SUGCT: variants seen among roughly 807,000 people sequenced by gnomAD.
SUGCT encodes the protein succinyl-CoA:glutarate CoA-transferase.
In SUGCT, 41 loss-of-function variants were observed where a neutral mutation model predicts 55.0. The ratio of observed to expected loss-of-function variants is 0.74; its 90% CI spans 0.58 to 0.97. SUGCT has a LOEUF of 0.97. SUGCT is among the 50% of genes least tolerant of loss of function. SUGCT has a pLI of 0.00. For missense variants in SUGCT, 568 were observed against 547.8 expected, an observed-to-expected ratio of 1.04 and a Z score of -0.37; for synonymous variants, 187 against 200.4, an observed-to-expected ratio of 0.93 and a Z score of 0.56.
intron 12 of SUGCT, among the ~76,000 whole-genome samples, chr7:40,693,243 T>C (rs146699832): frequency 0.016 from 2,501 of 152,294 alleles, 29 homozygotes; most frequent in Middle Eastern, 0.065. Flanking sequence ...CTACCACTTA[T>C]GAGCTGTGTG....
At chr7:40,612,813 A>G (rs1167844097) in intron 12 of SUGCT, among the ~76,000 whole-genome samples, 1 of 152,206 alleles carries the variant, frequency 6.6e-6, no homozygotes, top group Non-Finnish European at 1.5e-5. Context: ...TCTTAAATAT[A>G]TTTTGAATTT....
chr7:40,411,552 C>T (rs545646114), intron 9 of SUGCT, among the ~76,000 whole-genome samples: 10 of 152,114 alleles, frequency 6.6e-5, no homozygotes, highest in African/African-American at 1.9e-4. Flanking sequence ...CATTGACATG[C>T]GGAAGTTAAA....
chr7:40,173,550 C>T (rs1313784014), intron 1 of SUGCT, among the ~76,000 whole-genome samples: 1 of 152,218 alleles, frequency 6.6e-6, no homozygotes, highest in African/African-American at 2.4e-5. Context: ...TCCCATTGTC[C>T]CTTACCCTGT....
At chr7:40,324,248 A>ATATATATATAT (rs1562681083) in intron 9 of SUGCT, among the ~76,000 whole-genome samples, 4 of 111,088 alleles carry the variant, frequency 3.6e-5, no homozygotes, top group African/African-American at 1.5e-4. Flanking sequence ...TAAATAAATA[A>ATATATATATAT]ATAAATATAT....
intron 12 of SUGCT, among the ~76,000 whole-genome samples, chr7:40,516,522 G>T (rs1473294039): frequency 1.3e-5 from 2 of 151,878 alleles, no homozygotes; most frequent in Non-Finnish European, 2.9e-5. Flanking sequence ...TTTTTGTATA[G>T]GGTATGAGGT....
intron 12 of SUGCT, among the ~76,000 whole-genome samples, chr7:40,668,299 CT>C (rs1307681342): frequency 6.6e-6 from 1 of 152,090 alleles, no homozygotes; most frequent in Non-Finnish European, 1.5e-5. Context: ...TAATGGTTTT[CT>C]GCCATTCATT....
intron 12 of SUGCT, among the ~76,000 whole-genome samples, chr7:40,701,139 T>A (rs958043348): frequency 2.0e-5 from 3 of 152,182 alleles, no homozygotes; most frequent in Admixed American, 6.5e-5. Context: ...ATTTTAAATG[T>A]GAAGACAGGA....
At chr7:40,449,188 G>A in intron 9 of SUGCT, 99 bp from the exon 10 acceptor site, 1 of 734,816 alleles carries the variant, frequency 1.4e-6, no homozygotes, top group Non-Finnish European at 2.3e-6. Context: ...TAATAACATT[G>A]CTTTAGAACA....
chr7:40,793,554 C>A (rs918162354), intron 13 of SUGCT, among the ~76,000 whole-genome samples: 1 of 151,920 alleles, frequency 6.6e-6, no homozygotes, highest in African/African-American at 2.4e-5. Flanking sequence ...TTGTCTTGGA[C>A]TTTATTTTTT....
intron 12 of SUGCT, among the ~76,000 whole-genome samples, chr7:40,654,088 A>T (rs1484958767): frequency 6.6e-6 from 1 of 152,198 alleles, no homozygotes; most frequent in Non-Finnish European, 1.5e-5. Context: ...ACTTTCCCAT[A>T]AGGTATCAAT....
intron 13 of SUGCT, among the ~76,000 whole-genome samples, chr7:40,781,161 C>T (rs1369447755): frequency 2.6e-5 from 4 of 152,148 alleles, no homozygotes; most frequent in South Asian, 2.1e-4. Context: ...TAGTTATGCA[C>T]GTAATGTATC....
chr7:40,955,007 T>A, the SUGCT span, among the ~76,000 whole-genome samples: 1 of 152,202 alleles, frequency 6.6e-6, no homozygotes, highest in Non-Finnish European at 1.5e-5. Context: ...ATATCTGTTT[T>A]GGTACCAGTA....
chr7:40,769,510 G>A (rs889547964), intron 13 of SUGCT, among the ~76,000 whole-genome samples: 3 of 152,200 alleles, frequency 2.0e-5, no homozygotes, highest in African/African-American at 7.2e-5. Flanking sequence ...AGAATCAGAG[G>A]AGAATATGAT....
the SUGCT span, among the ~76,000 whole-genome samples, chr7:40,958,337 T>C: frequency 2.0e-5 from 3 of 152,222 alleles, no homozygotes; most frequent in South Asian, 6.2e-4. Context: ...TAGTCCCGTA[T>C]TTTTTGGAGG....
chr7:40,723,607 A>G (rs1253585018), intron 12 of SUGCT, among the ~76,000 whole-genome samples: 2 of 152,142 alleles, frequency 1.3e-5, no homozygotes, highest in East Asian at 1.9e-4. Flanking sequence ...TCTGCTACTA[A>G]TTCCTTCTAA....
At chr7:40,406,346 T>C (rs111781042) in intron 9 of SUGCT, among the ~76,000 whole-genome samples, 14,889 of 152,222 alleles carry the variant, frequency 0.098, 891 homozygotes, top group Non-Finnish European at 0.15. Flanking sequence ...GTGTGACTTG[T>C]GAGCCATAAT....
At chr7:40,484,435 G>A (rs1791223182) in intron 11 of SUGCT, among the ~76,000 whole-genome samples, 1 of 152,210 alleles carries the variant, frequency 6.6e-6, no homozygotes, top group South Asian at 2.1e-4. Flanking sequence ...CACTCCCAGT[G>A]CTCCCAAGTG....
the SUGCT span, among the ~76,000 whole-genome samples, chr7:40,934,966 C>T: frequency 6.6e-6 from 1 of 152,174 alleles, no homozygotes; most frequent in African/African-American, 2.4e-5. Flanking sequence ...GAACCAGGTA[C>T]CTCAGTTGGA....
the SUGCT span, among the ~76,000 whole-genome samples, chr7:40,871,520 G>A: frequency 1.3e-5 from 2 of 152,170 alleles, no homozygotes; most frequent in African/African-American, 4.8e-5. Context: ...TCTGAACCTT[G>A]ACCAAATTTC....
Sources: allele counts gnomAD v4.1 joint callset (sites outside exome capture counted in the v4.1 genomes callset), GRCh38; gene constraint gnomAD v4.1.1; transcripts MANE v1.5; gene names NCBI Gene and HGNC (gene_info 2026-07-23, HGNC 2026-07-21).